PPP4R3A: variants seen among roughly 807,000 people sequenced by gnomAD.
PPP4R3A encodes the protein serine/threonine-protein phosphatase 4 regulatory subunit 3A.
A neutral mutation model predicts 91.7 loss-of-function variants in PPP4R3A; 15 were observed. The ratio of observed to expected loss-of-function variants is 0.16; its 90% CI spans 0.11 to 0.25. PPP4R3A has a LOEUF of 0.25. Ranked by LOEUF, PPP4R3A falls within the 10% of genes least tolerant of loss-of-function variation. The probability of loss-of-function intolerance (pLI) is 1.00; values close to 1 mark genes in which losing one functional copy is unlikely to be tolerated. For synonymous variants in PPP4R3A, 377 were observed against 348.7 expected (o/e 1.08, Z -0.91); for missense variants, 623 against 998.4 (o/e 0.62, Z 5.07).
chr14:91,507,624 T>TAATAG (rs1216080116), intron 1 of PPP4R3A, among the ~76,000 whole-genome samples: 13 of 40,678 alleles, frequency 3.2e-4, no homozygotes, highest in African/African-American at 1.1e-3. Flanking sequence ...ATATATACTA[T>TAATAG]TATATATACT....
At chr14:91,490,714 T>C (rs112852451) in intron 2 of PPP4R3A, 33 bp downstream of exon 2, 1 of 1,567,496 alleles carries the variant, frequency 6.4e-7, no homozygotes, top group South Asian at 1.1e-5. Flanking sequence ...AAAAGGAAAA[T>C]ATGCAAGATA....
Position 91,462,792 on chromosome 14 carries a change from C to T in PPP4R3A, c.1916G>A (p.Gly639Glu). 1.2e-6 allele frequency: 2 copies of T among 1,613,104 alleles called. No homozygotes were observed. The highest frequency in any genetic ancestry group is 1.7e-6 in the Non-Finnish European group (2 of 1,179,284). ...TTGTTGTTCAAATCTCAGTTTTAATCCTTTAAATGTCTGTACATAATCTAC... is the reference window on the plus strand; with the variant it reads ...TTGTTGTTCAAATCTCAGTTTTAATTCTTTAAATGTCTGTACATAATCTAC... ...EDVDYVQTFKGLKLRFEQQRE... is the reference protein window; with the variant it reads ...EDVDYVQTFKELKLRFEQQRE... Residue 639 changes from glycine (G) to glutamate (E), a missense_variant, in exon 12 of 15, where the codon GGA becomes GAA. This residue lies in a region of PPP4R3A where 87 missense variants were observed against 233.9 expected (regional missense o/e 0.37). Transcript: ENST00000554943.
At chr14:91,509,250 C>T (rs1566662323) in intron 1 of PPP4R3A, among the ~76,000 whole-genome samples, 1 of 152,184 alleles carries the variant, frequency 6.6e-6, no homozygotes. Context: ...CACTCCAGGG[C>T]GGCACAGCTC....
At chr14:91,506,001 G>T (rs1891270672) in intron 1 of PPP4R3A, among the ~76,000 whole-genome samples, 1 of 151,620 alleles carries the variant, frequency 6.6e-6, no homozygotes, top group South Asian at 2.1e-4. Flanking sequence ...CTGGAGTGCA[G>T]TGGTGCTGAT....
In PPP4R3A at chr14:91,495,698, AAAAC is replaced by A. The variant is rs1401206624; in HGVS notation, c.143-4900_143-4897del. Among the ~76,000 whole-genome samples the A allele has an allele frequency of 6.4e-4, 97 of 152,088 alleles. 1 individual carries two copies. Among genetic ancestry groups the A allele is most frequent in the East Asian group, 1.9e-4 (1 of 5,200 alleles). ...ATAGTATGTAAATACTGTTAAAAAAAAAACAAAAAACAGGTGGAGTGCAGCCTAG... is the reference window on the plus strand; with the variant it reads ...ATAGTATGTAAATACTGTTAAAAAAAAAAAAACAGGTGGAGTGCAGCCTAG... On this transcript the variant is annotated intron_variant, in intron 1 of 14. Coordinates refer to ENST00000554943, the MANE Select transcript of PPP4R3A (RefSeq NM_001366432.2).
Position 91,509,649 on chromosome 14 carries a change from G to C in PPP4R3A, c.-2C>G. 6.3e-7 allele frequency: 1 copy of C among 1,595,102 alleles called. No homozygotes were observed. The highest frequency in any genetic ancestry group is 8.5e-7 in the Non-Finnish European group (1 of 1,177,266). On this transcript the variant is annotated 5_prime_UTR_variant, in exon 1 of 15. Coordinates refer to ENST00000554943, the MANE Select transcript of PPP4R3A (RefSeq NM_001366432.2). ...CACCCGCCGCCGGGTGTCGGTCATCGTGCCGCCCGGGAACCGGGGCGGGGG... is the reference window on the plus strand; with the variant it reads ...CACCCGCCGCCGGGTGTCGGTCATCCTGCCGCCCGGGAACCGGGGCGGGGG...
intron 13 of PPP4R3A, 108 bp downstream of exon 13, chr14:91,461,941 C>T: frequency 1.4e-6 from 2 of 1,408,202 alleles, no homozygotes; most frequent in Non-Finnish European, 1.8e-6. Flanking sequence ...AGTCTTTAAA[C>T]CGTATGCCAT....
At chr14:91,492,475 G>A (rs1289652087) in intron 1 of PPP4R3A, among the ~76,000 whole-genome samples, 6 of 152,156 alleles carry the variant, frequency 3.9e-5, no homozygotes, top group Non-Finnish European at 8.8e-5. Context: ...TGTGTGCTCA[G>A]AACAGTACCA....
In PPP4R3A at chr14:91,462,030, C is replaced by A; in HGVS notation, c.2164+19G>T. 6.8e-7 allele frequency: 1 copy of A among 1,480,022 alleles called. No individual in the cohort carries two copies. The highest frequency in any genetic ancestry group is 1.8e-4 in the Middle Eastern group (1 of 5,426). 91.7% of individuals were successfully genotyped at this position (1,480,022 alleles called of 1,614,324 possible). A position where few individuals can be genotyped will look rare whatever the true frequency, so the allele number is the denominator to read the frequency against. ...TAAGAAAGCCTTAATTTTCTCTTGC[C>A]CATTTTTTTCCAACATACATTTCTT... On this transcript the variant is annotated intron_variant, in intron 13 of 14. Transcript: ENST00000554943.
In PPP4R3A at chr14:91,509,751, C is replaced by T. The variant is rs1314876903; in HGVS notation, c.-104G>A. On this transcript the variant is annotated 5_prime_UTR_variant, in exon 1 of 15. Coordinates refer to ENST00000554943, the MANE Select transcript of PPP4R3A (RefSeq NM_001366432.2). ...CGTGAGGGCGCCCGCGAGCGGAGGG[C>T]TCCCCGGCCTCACTGCCGCCGCTGG... 2.3e-6 allele frequency: 3 copies of T among 1,323,502 alleles called. No homozygotes were observed. In the African/African-American group the frequency reaches 4.7e-5, roughly 21 times the overall value. 82.0% of individuals were successfully genotyped at this position (1,323,502 alleles called of 1,614,324 possible).
At chr14:91,507,402 A>AT (rs1288676807) in intron 1 of PPP4R3A, among the ~76,000 whole-genome samples, 14,106 of 75,592 alleles carry the variant, frequency 0.19, 3,272 homozygotes, top group Non-Finnish European at 0.25. Context: ...TATGTACTAT[A>AT]ATTATATATA....
chr14:91,497,374 A>G (rs953486148), intron 1 of PPP4R3A, among the ~76,000 whole-genome samples: 5 of 112,722 alleles, frequency 4.4e-5, no homozygotes, highest in African/African-American at 1.6e-4. Flanking sequence ...ACACACACAC[A>G]CACACGATAC....
At chr14:91,468,689 A>AAAAAC (rs1888640339) in intron 10 of PPP4R3A, among the ~76,000 whole-genome samples, 1 of 106,664 alleles carries the variant, frequency 9.4e-6, no homozygotes, top group African/African-American at 3.6e-5. Flanking sequence ...AAAAAAAAAA[A>AAAAAC]GGAAAAAAGA....
intron 10 of PPP4R3A, 29 bp downstream of exon 10, chr14:91,470,808 C>T: frequency 6.3e-7 from 1 of 1,594,312 alleles, no homozygotes; most frequent in East Asian, 2.3e-5. Flanking sequence ...TGTCAATATA[C>T]AAAGATGATA....
intron 1 of PPP4R3A, among the ~76,000 whole-genome samples, chr14:91,491,266 C>T (rs1489826152): frequency 6.6e-6 from 1 of 151,832 alleles, no homozygotes; most frequent in East Asian, 1.9e-4. Flanking sequence ...CGCTATGTTG[C>T]CCAGGCTGGT....
At chr14:91,472,802 C>G (rs1056950769) in intron 9 of PPP4R3A, among the ~76,000 whole-genome samples, 2 of 128,862 alleles carry the variant, frequency 1.6e-5, no homozygotes, top group Non-Finnish European at 3.4e-5. Context: ...ATCATTAATT[C>G]TCCAGGTTGC....
chr14:91,499,984 A>G (rs1890840943), intron 1 of PPP4R3A, among the ~76,000 whole-genome samples: 1 of 152,306 alleles, frequency 6.6e-6, no homozygotes, highest in Non-Finnish European at 1.5e-5. Flanking sequence ...GGTAGTACAG[A>G]GTGAGGTATC....
intron 1 of PPP4R3A, among the ~76,000 whole-genome samples, chr14:91,492,703 T>C (rs534382244): frequency 7.7e-6 from 1 of 130,716 alleles, no homozygotes; most frequent in Admixed American, 7.7e-5. Flanking sequence ...ACAAACCCCA[T>C]TTCTTTGGGC....
Position 91,482,239 on chromosome 14 carries a change from C to G in PPP4R3A, c.298-46G>C, listed in dbSNP as rs754950566. The G allele has an allele frequency of 3.9e-6, 6 of 1,529,368 alleles. No homozygotes were observed. In the African/African-American group the frequency reaches 8.3e-5, roughly 21 times the overall value. The allele number at this position is 1,529,368 out of a possible 1,614,324, so 94.7% of individuals were successfully genotyped here. On this transcript the variant is annotated intron_variant, in intron 3 of 14. Coordinates refer to ENST00000554943, the MANE Select transcript of PPP4R3A (RefSeq NM_001366432.2). ...GCTGACAAAATAGATAACAGGTGAC[C>G]AGCAAACCTAAATGCTACTCTAAGA...
Sources: gnomAD v4.1 joint callset for allele counts (sites outside exome capture counted in the v4.1 genomes callset) on GRCh38, gnomAD v4.1.1 for gene constraint, gnomAD v4.1.1 regional missense constraint, MANE v1.5 for transcripts, NCBI Gene and HGNC (gene_info 2026-07-23, HGNC 2026-07-21) for gene names.